SLC4A8: variants seen among roughly 807,000 people sequenced by gnomAD.
SLC4A8 encodes the protein electroneutral sodium bicarbonate exchanger 1.
SLC4A8 carries 40 observed loss-of-function variants against 125.0 expected under a neutral mutation model. That is an observed-to-expected ratio of 0.32 (90% confidence interval 0.25 to 0.42). SLC4A8 has a LOEUF of 0.42. Ranked by LOEUF, SLC4A8 falls within the 10% of genes least tolerant of loss-of-function variation. SLC4A8 has a pLI of 1.00. For synonymous variants in SLC4A8, 456 were observed against 476.0 expected (o/e 0.96, Z 0.55); for missense variants, 863 against 1,355.1 (o/e 0.64, Z 5.70).
intron 1 of SLC4A8, among the ~76,000 whole-genome samples, chr12:51,437,585 C>T (rs1030199804): frequency 3.9e-5 from 6 of 152,154 alleles, no homozygotes; most frequent in Non-Finnish European, 2.9e-5. Context: ...TTGTGAGCTT[C>T]CTGACTCTCT....
At chr12:51,459,689 G>A (rs1332041907) in intron 7 of SLC4A8, among the ~76,000 whole-genome samples, 2 of 151,980 alleles carry the variant, frequency 1.3e-5, no homozygotes, top group Non-Finnish European at 2.9e-5. Flanking sequence ...GGCGAAAATG[G>A]CAAGACCCCA....
intron 1 of SLC4A8, among the ~76,000 whole-genome samples, chr12:51,393,088 CTTCT>C (rs1948185871): frequency 6.8e-6 from 1 of 146,172 alleles, no homozygotes; most frequent in Admixed American, 6.9e-5. Context: ...TCTCTCTTTC[CTTCT>C]TTCTCTTTCT....
chr12:51,491,732 G>T (rs1462025865), intron 19 of SLC4A8, among the ~76,000 whole-genome samples: 1 of 132,152 alleles, frequency 7.6e-6, no homozygotes, highest in African/African-American at 3.1e-5. Flanking sequence ...CCTGTCTGGG[G>T]ATGGGCAGAC....
chr12:51,458,613 G>A lies in SLC4A8; in HGVS notation c.818G>A (p.Gly273Glu). 1 of 1,613,904 alleles carries A rather than the reference G, an allele frequency of 6.2e-7. No homozygotes were observed. The highest frequency in any genetic ancestry group is 1.1e-5 in the South Asian group (1 of 91,070). The change falls in exon 7 of 25, where the codon GGA becomes GAA. Residue 273 changes from glycine to glutamate, a missense_variant. Physicochemically the swap from Gly to Glu is moderately conservative, Grantham distance 98. Coordinates refer to ENST00000453097, the MANE Select transcript of SLC4A8 (RefSeq NM_001039960.3). ...ACTACAAATCTTGAAGTAAAAAATG[G>A]AGTGAATTGTGAACATAGTCCTGTG... ...VPTTNLEVKN[G>E]VNCEHSPVDL... is the part of the protein sequence containing the mutation.
chr12:51,505,574 C>T (rs1323577415), intron 23 of SLC4A8, among the ~76,000 whole-genome samples: 3 of 152,218 alleles, frequency 2.0e-5, no homozygotes, highest in Non-Finnish European at 4.4e-5. Flanking sequence ...GAGGAGTGCA[C>T]AGTTGTGGGA....
chr12:51,482,605 C>A (rs978278467), intron 16 of SLC4A8, among the ~76,000 whole-genome samples: 2 of 152,144 alleles, frequency 1.3e-5, no homozygotes, highest in Non-Finnish European at 2.9e-5. Context: ...GTCTCGAATT[C>A]CTGACCTCAA....
intron 11 of SLC4A8, among the ~76,000 whole-genome samples, chr12:51,468,870 A>G (rs923763409): frequency 1.3e-5 from 2 of 152,152 alleles, no homozygotes; most frequent in African/African-American, 4.8e-5. Context: ...ATCCACTCAT[A>G]TCTCTCAGCA....
At chr12:51,443,718 G>C (rs925145215) in intron 2 of SLC4A8, among the ~76,000 whole-genome samples, 1 of 152,138 alleles carries the variant, frequency 6.6e-6, no homozygotes, top group African/African-American at 2.4e-5. Context: ...ACATCTGCTC[G>C]ACATGTGAGA....
At chr12:51,427,488 G>A (rs1381302800) in intron 1 of SLC4A8, among the ~76,000 whole-genome samples, 1 of 152,108 alleles carries the variant, frequency 6.6e-6, no homozygotes, top group African/African-American at 2.4e-5. Flanking sequence ...AGAAGAAAAG[G>A]AATACAATGG....
At chr12:51,502,902 C>CAT (rs1937975445) in intron 22 of SLC4A8, among the ~76,000 whole-genome samples, 14 of 146,892 alleles carry the variant, frequency 9.5e-5, no homozygotes, top group Admixed American at 2.1e-4. Flanking sequence ...AGTGCAGTGG[C>CAT]GCCATCTTGG....
intron 1 of SLC4A8, among the ~76,000 whole-genome samples, chr12:51,400,723 C>T (rs1948356065): frequency 1.3e-5 from 1 of 76,292 alleles, no homozygotes; most frequent in Admixed American, 1.9e-4. Context: ...TGAATGAACT[C>T]CTTTATATAT....
intron 22 of SLC4A8, among the ~76,000 whole-genome samples, chr12:51,503,497 C>T (rs1938027229): frequency 6.6e-6 from 1 of 152,206 alleles, no homozygotes; most frequent in East Asian, 1.9e-4. Context: ...AGGCGTGAGC[C>T]ACCATGCCCG....
chr12:51,433,073 CTG>C lies in SLC4A8; in HGVS notation c.49-7632_49-7631del, dbSNP rs1261563318. The stretch of plus-strand genomic sequence containing the variant: ...CCACCTTCCCTGTTCCCTGTAGCCT[CTG>C]TGGCTGCTTCCAGGAGCTGGGGCCA... On this transcript the variant is annotated intron_variant, in intron 1 of 24. Coordinates refer to ENST00000453097, the MANE Select transcript of SLC4A8 (RefSeq NM_001039960.3). 7.2e-5 allele frequency among the ~76,000 whole-genome samples: 11 copies of C among 152,284 alleles called. No individual in the cohort carries two copies. In the East Asian group the frequency reaches 1.7e-3, roughly 24 times the overall value.
At chr12:51,413,636 A>T (rs551781011) in intron 1 of SLC4A8, among the ~76,000 whole-genome samples, 15 of 152,236 alleles carry the variant, frequency 9.9e-5, no homozygotes, top group African/African-American at 3.4e-4. Flanking sequence ...CTGCGTATGG[A>T]TAGCCAGTTT....
chr12:51,422,431 A>G (rs944244283), upstream of SLC4A8, among the ~76,000 whole-genome samples: 4 of 152,058 alleles, frequency 2.6e-5, no homozygotes, highest in African/African-American at 9.7e-5. Flanking sequence ...GTGGAGTGGT[A>G]TACTGAAGCC....
At chr12:51,396,940 T>TTC (rs1395822896) in intron 1 of SLC4A8, among the ~76,000 whole-genome samples, 16 of 145,932 alleles carry the variant, frequency 1.1e-4, no homozygotes, top group Admixed American at 2.7e-4. Context: ...TTTTTTTTTT[T>TTC]TTTTTTTGAG....
intron 19 of SLC4A8, among the ~76,000 whole-genome samples, chr12:51,491,475 G>A (rs1195376464): frequency 6.6e-6 from 1 of 152,084 alleles, no homozygotes; most frequent in East Asian, 1.9e-4. Flanking sequence ...TCAAGAAAGA[G>A]GGATTGGGTA....
At chr12:51,395,980 G>A (rs1172402995) in intron 1 of SLC4A8, among the ~76,000 whole-genome samples, 1 of 152,208 alleles carries the variant, frequency 6.6e-6, no homozygotes, top group Admixed American at 6.5e-5. Context: ...GTTAAAGCGA[G>A]AAATATTTTA....
intron 7 of SLC4A8, among the ~76,000 whole-genome samples, chr12:51,459,252 G>A (rs1436196891): frequency 6.6e-6 from 1 of 152,184 alleles, no homozygotes; most frequent in Non-Finnish European, 1.5e-5. Context: ...TGGAAAACCT[G>A]AAACCCCCGA....
Sources: gnomAD v4.1 joint callset for allele counts (sites outside exome capture counted in the v4.1 genomes callset) on GRCh38, gnomAD v4.1.1 for gene constraint, MANE v1.5 for transcripts, NCBI Gene and HGNC (gene_info 2026-07-23, HGNC 2026-07-21) for gene names.